Variants in BDNF observed in about 807,000 individuals in gnomAD.
BDNF encodes the protein neurotrophic factor BDNF precursor form.
A neutral mutation model predicts 19.5 loss-of-function variants in BDNF; 1 was observed. The ratio of observed to expected loss-of-function variants is 0.05; its 90% CI spans 0.02 to 0.24. BDNF has a LOEUF of 0.24. BDNF is among the 10% of genes least tolerant of loss of function. The probability of loss-of-function intolerance (pLI) is 1.00; values close to 1 mark genes in which losing one functional copy is unlikely to be tolerated. For synonymous variants in BDNF, 100 were observed against 121.6 expected, an observed-to-expected ratio of 0.82 and a Z score of 1.17; for missense variants, 195 against 317.6, an observed-to-expected ratio of 0.61 and a Z score of 2.93.
intron 1 of BDNF, chr11:27,659,109 A>C (rs570487681): frequency 2.0e-6 from 2 of 1,006,764 alleles, no homozygotes; most frequent in African/African-American, 3.5e-5. Context: ...TAGCACAATA[A>C]AACAGCAGTT....
intron 1 of BDNF, among the ~76,000 whole-genome samples, chr11:27,687,262 C>G (rs1012792479): frequency 6.6e-6 from 1 of 152,144 alleles, no homozygotes; most frequent in Non-Finnish European, 1.5e-5. Context: ...TCCATTAGGT[C>G]ATTTATGTTC....
exon 1 of BDNF, chr11:27,721,557 A>T: frequency 1.2e-6 from 1 of 863,420 alleles, no homozygotes; most frequent in Non-Finnish European, 2.0e-6. Flanking sequence ...GGTGTGACTT[A>T]TGAATCTAAT....
chr11:27,700,790 G>T (rs374126936), upstream of BDNF: 1 of 1,203,044 alleles, frequency 8.3e-7, no homozygotes. Flanking sequence ...CAGCCCCGGG[G>T]AACCCCGCGT....
chr11:27,699,781 C>A (rs1246642505), intron 1 of BDNF: 1 of 1,117,168 alleles, frequency 9.0e-7, no homozygotes, highest in African/African-American at 1.6e-5. Flanking sequence ...AGCCCCAGCA[C>A]CCTCCCCTCA....
chr11:27,719,182 G>A (rs1383092611), intron 1 of BDNF, among the ~76,000 whole-genome samples: 1 of 152,104 alleles, frequency 6.6e-6, no homozygotes, highest in African/African-American at 2.4e-5. Flanking sequence ...GGGCGGCTCC[G>A]CGCCGCTTCT....
chr11:27,658,046 T>A lies in BDNF; in HGVS notation c.519A>T (p.Ser173=). 1 of 1,614,186 alleles carries A rather than the reference T, an allele frequency of 6.2e-7. No homozygotes were observed. Among genetic ancestry groups the A allele is most frequent in the Non-Finnish European group, 8.5e-7 (1 of 1,180,036 alleles). The part of the protein sequence containing the change: ...TVTVLEKVPV[S]KGQLKQYFYE... ...AGAAGTATTGCTTCAGTTGGCCTTT[T>A]GATACAGGGACCTTTTCAAGGACTG... The change falls in exon 2 of 2, where the codon TCA becomes TCT. Residue 173 remains serine (S), a synonymous_variant. Transcript: ENST00000356660. The surrounding 1 kb of genome is among the most constrained non-coding windows in gnomAD (Gnocchi z 5.7).
chr11:27,663,505 G>A (rs576192380), intron 1 of BDNF, among the ~76,000 whole-genome samples: 13 of 152,328 alleles, frequency 8.5e-5, no homozygotes, highest in African/African-American at 2.9e-4. Flanking sequence ...TACTCTTGCT[G>A]TAGTCATAAC....
chr11:27,661,968 A>G (rs1853516665), intron 1 of BDNF, among the ~76,000 whole-genome samples: 2 of 151,138 alleles, frequency 1.3e-5, no homozygotes, highest in South Asian at 4.2e-4. Context: ...TCCACATTAC[A>G]TCTTACGTAG....
At chr11:27,680,188 G>A (rs79292978) in intron 1 of BDNF, among the ~76,000 whole-genome samples, 1,815 of 152,308 alleles carry the variant, frequency 0.012, 20 homozygotes, top group Middle Eastern at 0.024. Flanking sequence ...GGACTGCAGT[G>A]TTAAGGGTGG....
intron 1 of BDNF, among the ~76,000 whole-genome samples, chr11:27,682,363 T>C (rs1209675927): frequency 1.3e-5 from 2 of 151,428 alleles, no homozygotes; most frequent in Admixed American, 6.6e-5. Context: ...GAATCACTGC[T>C]GTATGCTGCA....
At chr11:27,721,402 T>G (rs1347715549) in intron 1 of BDNF, 2 of 1,614,126 alleles carry the variant, frequency 1.2e-6, no homozygotes, top group South Asian at 2.2e-5. Context: ...CAGGTTTTAT[T>G]GCTACTCACC....
At position 27,657,207 on chromosome 11, in the gene BDNF, T is replaced by C. The variant is rs2133774771; in HGVS notation, c.*614A>G. ...ATATATTGTAGGAATTCTTTCCCCATCTCTACTCCCTGTGGGAACTAAAAA... is the reference window on the plus strand; with the variant it reads ...ATATATTGTAGGAATTCTTTCCCCACCTCTACTCCCTGTGGGAACTAAAAA... On this transcript the variant is annotated 3_prime_UTR_variant, in exon 2 of 2. Transcript: ENST00000356660. The surrounding 1 kb of genome is among the most constrained non-coding windows in gnomAD (Gnocchi z 5.0). 1.0e-6 allele frequency: 1 copy of C among 984,516 alleles called. No homozygotes were observed. Among genetic ancestry groups the C allele is most frequent in the Non-Finnish European group, 1.2e-6 (1 of 828,770 alleles). 61.0% of individuals were successfully genotyped at this position (984,516 alleles called of 1,614,324 possible). A position where few individuals can be genotyped will look rare whatever the true frequency, so the allele number is the denominator to read the frequency against.
At chr11:27,721,194 C>T (rs527459639) in intron 1 of BDNF, among the ~76,000 whole-genome samples, 28 of 152,170 alleles carry the variant, frequency 1.8e-4, no homozygotes, top group Admixed American at 1.8e-3. Context: ...ACACACACCC[C>T]CCCACCCAGC....
intron 1 of BDNF, among the ~76,000 whole-genome samples, chr11:27,668,896 C>T (rs1472651447): frequency 6.6e-6 from 1 of 152,168 alleles, no homozygotes; most frequent in East Asian, 1.9e-4. Flanking sequence ...GGAATCCTCC[C>T]TAACTCATTT....
intron 1 of BDNF, among the ~76,000 whole-genome samples, chr11:27,687,757 GC>G (rs1225896235): frequency 6.6e-6 from 1 of 152,192 alleles, no homozygotes; most frequent in Non-Finnish European, 1.5e-5. Flanking sequence ...AGCAAAGACT[GC>G]TGCCTGTTCC....
At chr11:27,694,834 T>A (rs940929648) in intron 1 of BDNF, among the ~76,000 whole-genome samples, 2 of 152,296 alleles carry the variant, frequency 1.3e-5, no homozygotes, top group Middle Eastern at 3.4e-3. Context: ...TTATTGTATC[T>A]CAGAAAGTAT....
upstream of BDNF, among the ~76,000 whole-genome samples, chr11:27,705,084 A>G (rs528157221): frequency 6.6e-6 from 1 of 152,328 alleles, no homozygotes; most frequent in African/African-American, 2.4e-5. Flanking sequence ...AACTGTTGAG[A>G]CTAAACCCCC....
intron 1 of BDNF, chr11:27,660,088 T>C (rs1304176751): frequency 1.1e-5 from 7 of 664,972 alleles, no homozygotes; most frequent in Middle Eastern, 3.1e-4. Flanking sequence ...CATCATGATA[T>C]CCAAATAAGT....
intron 1 of BDNF, chr11:27,660,279 A>C: frequency 8.1e-7 from 1 of 1,234,878 alleles, no homozygotes; most frequent in Non-Finnish European, 1.0e-6. Flanking sequence ...ATCCCTAAAC[A>C]CACAAAAAAA....
Sources: gnomAD v4.1 joint callset for allele counts (sites outside exome capture counted in the v4.1 genomes callset) on GRCh38, gnomAD v4.1.1 for gene constraint, Gnocchi (gnomAD v3.1) non-coding constraint, MANE v1.5 for transcripts, NCBI Gene and HGNC (gene_info 2026-07-23, HGNC 2026-07-21) for gene names.